DGKB: variants seen among roughly 807,000 people sequenced by gnomAD.
DGKB encodes diacylglycerol kinase beta.
A neutral mutation model predicts 114.3 loss-of-function variants in DGKB; 67 were observed. The ratio of observed to expected loss-of-function variants is 0.59; its 90% CI spans 0.48 to 0.72. The LOEUF (loss-of-function observed/expected upper bound fraction) is 0.72, where lower values mean the gene tolerates loss of function less well. Among genes scored for constraint, DGKB ranks in the 30% least tolerant of loss-of-function variants. DGKB has a pLI of 0.00. For synonymous variants in DGKB, 398 were observed against 323.1 expected, an observed-to-expected ratio of 1.23 and a Z score of -2.49; for missense variants, 907 against 975.2, an observed-to-expected ratio of 0.93 and a Z score of 0.93.
intron 21 of DGKB, among the ~76,000 whole-genome samples, chr7:14,402,831 C>T (rs1365072024): frequency 6.6e-6 from 1 of 151,854 alleles, no homozygotes; most frequent in South Asian, 2.1e-4. Context: ...GGGCCTTCAT[C>T]TAATCAGGTG....
chr7:14,676,773 T>A (rs1191766094), intron 12 of DGKB, among the ~76,000 whole-genome samples: 2 of 151,952 alleles, frequency 1.3e-5, no homozygotes, highest in African/African-American at 4.8e-5. Context: ...AGGGTCCTCA[T>A]CAAGAATAGA....
intron 23 of DGKB, chr7:14,269,071 C>T (rs38263): frequency 0.56 from 84,664 of 151,968 alleles, 26,256 homozygotes; most frequent in East Asian, 0.98. Flanking sequence ...GGCTCATTTG[C>T]GTGGCTGTTG....
chr7:14,513,178 G>A (rs1313684392), intron 20 of DGKB, among the ~76,000 whole-genome samples: 1 of 152,008 alleles, frequency 6.6e-6, no homozygotes, highest in Non-Finnish European at 1.5e-5. Context: ...ATATTTAAAA[G>A]AGAAGAGTGA....
At chr7:14,191,288 A>G (rs958820185) in intron 23 of DGKB, 1 of 154,970 alleles carries the variant, frequency 6.5e-6, no homozygotes. Context: ...CAGAAAAGGT[A>G]CAAAGAATCA....
At chr7:14,620,537 G>A (rs1034444702) in intron 15 of DGKB, among the ~76,000 whole-genome samples, 1 of 151,706 alleles carries the variant, frequency 6.6e-6, no homozygotes, top group African/African-American at 2.4e-5. Flanking sequence ...GTGACATACT[G>A]TTTGTATGTT....
intron 21 of DGKB, among the ~76,000 whole-genome samples, chr7:14,428,200 C>A (rs1827875298): frequency 6.6e-6 from 1 of 151,910 alleles, no homozygotes; most frequent in Non-Finnish European, 1.5e-5. Context: ...TCTTTACAAT[C>A]ATCTTCCAAT....
At chr7:14,559,673 A>G (rs1462236173) in intron 20 of DGKB, among the ~76,000 whole-genome samples, 1 of 152,212 alleles carries the variant, frequency 6.6e-6, no homozygotes, top group African/African-American at 2.4e-5. Flanking sequence ...AACTTGATGC[A>G]TTGAAAATAA....
intron 12 of DGKB, 62 bp downstream of exon 12, chr7:14,682,491 G>A: frequency 9.0e-7 from 1 of 1,116,878 alleles, no homozygotes; most frequent in South Asian, 1.3e-5. Context: ...CTTTCAGAGA[G>A]TATGATATAC....
intron 21 of DGKB, among the ~76,000 whole-genome samples, chr7:14,416,431 A>AT (rs1400190130): frequency 6.6e-6 from 1 of 152,066 alleles, no homozygotes. Flanking sequence ...GATTTATATT[A>AT]TGGGTTATGA....
In DGKB at chr7:14,784,825, G is replaced by T. The variant is rs76215017; in HGVS notation, c.71-27094C>A. ...TATTTTACCTCCTGTGTCAACTGCT[G>T]TTTTTTTTTTTAATGTTTTTTTGGC... is the stretch of plus-strand genomic sequence containing the variant. On this transcript the variant is annotated intron_variant, in intron 2 of 25. Coordinates refer to ENST00000402815, the MANE Select transcript of DGKB (RefSeq NM_001350709.2). Among the ~76,000 whole-genome samples, 648 of 139,326 alleles carry T rather than the reference G, an allele frequency of 4.7e-3. 7 individuals are homozygous for T. Among genetic ancestry groups the T allele is most frequent in the African/African-American group, 0.016 (604 of 38,136 alleles). The allele number at this position is 139,326 out of a possible 152,430, so 91.4% of individuals were successfully genotyped here. A position where few individuals can be genotyped will look rare whatever the true frequency, so the allele number is the denominator to read the frequency against.
At chr7:14,217,684 A>G (rs1789222954) in intron 23 of DGKB, among the ~76,000 whole-genome samples, 2 of 152,100 alleles carry the variant, frequency 1.3e-5, no homozygotes, top group Non-Finnish European at 2.9e-5. Context: ...AAAAAAAATC[A>G]TACGTCCACA....
chr7:14,521,415 G>C (rs1392688292), intron 20 of DGKB, among the ~76,000 whole-genome samples: 2 of 152,062 alleles, frequency 1.3e-5, no homozygotes, highest in Non-Finnish European at 2.9e-5. Flanking sequence ...CAGATCACTT[G>C]ATATTTATCT....
intron 20 of DGKB, among the ~76,000 whole-genome samples, chr7:14,542,447 C>T (rs1291207364): frequency 6.6e-6 from 1 of 152,034 alleles, no homozygotes; most frequent in African/African-American, 2.4e-5. Flanking sequence ...TTACTCACAA[C>T]ATTCTTCTTG....
At chr7:14,624,352 T>C (rs1212429915) in intron 14 of DGKB, among the ~76,000 whole-genome samples, 2 of 152,176 alleles carry the variant, frequency 1.3e-5, no homozygotes, top group Non-Finnish European at 2.9e-5. Context: ...TTCCTAATTA[T>C]CCAACAATTG....
At chr7:14,775,791 C>T (rs1254842065) in intron 2 of DGKB, among the ~76,000 whole-genome samples, 1 of 151,952 alleles carries the variant, frequency 6.6e-6, no homozygotes, top group Non-Finnish European at 1.5e-5. Flanking sequence ...TGCCCATTTT[C>T]AGGTATGTTT....
intron 13 of DGKB, among the ~76,000 whole-genome samples, chr7:14,665,460 C>A (rs759218796): frequency 3.3e-5 from 5 of 151,806 alleles, no homozygotes; most frequent in African/African-American, 4.8e-5. Context: ...GTACAACAAG[C>A]CCCCGTGACA....
intron 23 of DGKB, among the ~76,000 whole-genome samples, chr7:14,220,674 T>C (rs1789787017): frequency 6.6e-6 from 1 of 151,604 alleles, no homozygotes; most frequent in Non-Finnish European, 1.5e-5. Flanking sequence ...GCTAGGATTC[T>C]GATAGTGATT....
chr7:14,867,198 T>C (rs1851820871), intron 1 of DGKB, among the ~76,000 whole-genome samples: 4 of 152,314 alleles, frequency 2.6e-5, no homozygotes, highest in South Asian at 2.1e-4. Flanking sequence ...TCACTGATAA[T>C]TGTCTTTCAC....
chr7:14,366,224 A>G (rs980203886), intron 21 of DGKB, among the ~76,000 whole-genome samples: 29 of 152,174 alleles, frequency 1.9e-4, no homozygotes, highest in Admixed American at 1.5e-3. Context: ...CTGTGTTTTC[A>G]TATATCCACA....
Sources: allele counts gnomAD v4.1 joint callset (sites outside exome capture counted in the v4.1 genomes callset), GRCh38; gene constraint gnomAD v4.1.1; transcripts MANE v1.5; gene names NCBI Gene and HGNC (gene_info 2026-07-23, HGNC 2026-07-21).